The following DNAH14 variants were observed in gnomAD, a reference collection of about 807,000 sequenced individuals.
The protein encoded by DNAH14 is dynein axonemal heavy chain 14.
Under a neutral mutation model 520.9 loss-of-function variants are expected in DNAH14, and 478 were observed. The ratio of observed to expected loss-of-function variants is 0.92; its 90% CI spans 0.85 to 0.99. The LOEUF (loss-of-function observed/expected upper bound fraction) is 0.99. Ranked by LOEUF, DNAH14 falls within the 50% of genes least tolerant of loss-of-function variation. The probability of loss-of-function intolerance (pLI) is 0.00; values close to 1 mark genes in which losing one functional copy is unlikely to be tolerated. For synonymous variants in DNAH14, 1,581 were observed against 1,757.2 expected (o/e 0.90, Z 2.51); for missense variants, 4,831 against 5,234.5 (o/e 0.92, Z 2.38).
In DNAH14 at chr1:225,322,806, G is replaced by A; in HGVS notation, c.9478G>A (p.Asp3160Asn). 6.4e-7 allele frequency: 1 copy of A among 1,551,042 alleles called. No homozygotes were observed. The highest frequency in any genetic ancestry group is 8.7e-7 in the Non-Finnish European group (1 of 1,146,296). Residue 3160 changes from aspartate to asparagine, a missense_variant, in exon 62 of 86, where the codon GAC (aspartate) becomes AAC (asparagine). By Grantham distance (23) the Asp-to-Asn change is conservative. Coordinates refer to ENST00000682510, the MANE Select transcript of DNAH14 (RefSeq NM_001367479.1). ...FLKKLINLDK[D>N]SIPDKVFVKL... Reference sequence around the variant, plus strand: ...GAAAAAATTGATTAACCTTGACAAGGACAGCATACCTGATAAGGTAAAAAG... The same window carrying A: ...GAAAAAATTGATTAACCTTGACAAGAACAGCATACCTGATAAGGTAAAAAG...
intron 35 of DNAH14, among the ~76,000 whole-genome samples, chr1:225,161,376 TTTTG>T (rs1254991821): frequency 6.6e-6 from 1 of 152,200 alleles, no homozygotes; most frequent in Non-Finnish European, 1.5e-5. Flanking sequence ...TGAATAGTGT[TTTTG>T]TGTGTAAGTA....
At chr1:225,012,479 G>C (rs184866005) in intron 10 of DNAH14, among the ~76,000 whole-genome samples, 2 of 152,020 alleles carry the variant, frequency 1.3e-5, no homozygotes, top group Non-Finnish European at 2.9e-5. Context: ...TGTATTTCCT[G>C]AATTTGAATA....
chr1:225,079,635 C>A, intron 18 of DNAH14, 87 bp downstream of exon 18: 27 of 902,374 alleles, frequency 3.0e-5, no homozygotes, highest in Middle Eastern at 3.4e-4. Context: ...TATTTGCTTT[C>A]AGTGGAATTT....
chr1:225,005,701 A>G lies in DNAH14; in HGVS notation c.976-1712A>G, dbSNP rs1259605813. Among the ~76,000 whole-genome samples the G allele has an allele frequency of 3.3e-5, 5 of 152,114 alleles. No homozygotes were observed. The East Asian group carries it at 9.6e-4, about 29-fold the overall frequency. ...ATTTATTAATTTTTATAATATAACT[A>G]TATGATAAAAGATAAACATATCTGT... is the stretch of plus-strand genomic sequence containing the variant. On this transcript the variant is annotated intron_variant, in intron 9 of 85. Coordinates refer to ENST00000682510, the MANE Select transcript of DNAH14 (RefSeq NM_001367479.1).
At chr1:225,326,012 T>C (rs1281845191) in intron 64 of DNAH14, among the ~76,000 whole-genome samples, 1 of 152,248 alleles carries the variant, frequency 6.6e-6, no homozygotes, top group Non-Finnish European at 1.5e-5. Context: ...TTACTTTATA[T>C]AGATATATCA....
intron 8 of DNAH14, among the ~76,000 whole-genome samples, chr1:224,979,372 C>T (rs1433047132): frequency 6.6e-6 from 1 of 152,098 alleles, no homozygotes; most frequent in Admixed American, 6.5e-5. Flanking sequence ...CTCAGTGCTG[C>T]CCTGTCACAG....
chr1:225,205,881 A>G, intron 39 of DNAH14, 90 bp from the exon 40 acceptor site: 2 of 1,090,654 alleles, frequency 1.8e-6, no homozygotes, highest in East Asian at 2.6e-5. Flanking sequence ...CTTAGAAAAT[A>G]TGTCCTAAGT....
intron 55 of DNAH14, among the ~76,000 whole-genome samples, chr1:225,296,582 G>C (rs2094014257): frequency 6.6e-6 from 1 of 150,802 alleles, no homozygotes; most frequent in Admixed American, 6.6e-5. Context: ...CTACCAGTGA[G>C]TGTTATAGTT....
intron 8 of DNAH14, among the ~76,000 whole-genome samples, 171 bp downstream of exon 8, chr1:224,974,324 G>C (rs2061673638): frequency 6.6e-6 from 1 of 152,106 alleles, no homozygotes; most frequent in South Asian, 2.1e-4. Flanking sequence ...TAAACACTGT[G>C]TTTTGCAGTG....
intron 36 of DNAH14, among the ~76,000 whole-genome samples, chr1:225,168,592 G>A (rs148570915): frequency 0.021 from 3,248 of 152,292 alleles, 91 homozygotes; most frequent in African/African-American, 0.062. Flanking sequence ...AGGTGGCAGC[G>A]AGGCTGGAGG....
At chr1:225,252,456 A>C (rs1485642525) in intron 44 of DNAH14, 39 bp downstream of exon 44, 27 of 1,112,288 alleles carry the variant, frequency 2.4e-5, no homozygotes, top group Non-Finnish European at 3.4e-5. Flanking sequence ...TAACGTTAGA[A>C]TATTGGGTAT....
At chr1:225,187,649 A>G (rs968449158) in intron 37 of DNAH14, among the ~76,000 whole-genome samples, 1 of 151,918 alleles carries the variant, frequency 6.6e-6, no homozygotes, top group Non-Finnish European at 1.5e-5. Flanking sequence ...CCTCACCAAC[A>G]TTTATTATTT....
At chr1:225,147,309 G>A in intron 31 of DNAH14, 60 bp downstream of exon 31, 1 of 1,374,006 alleles carries the variant, frequency 7.3e-7, no homozygotes, top group East Asian at 2.7e-5. Context: ...TTAATGTTTA[G>A]TTAATTATTG....
At chr1:225,152,983 C>A in intron 33 of DNAH14, 100 bp downstream of exon 33, 1 of 1,181,400 alleles carries the variant, frequency 8.5e-7, no homozygotes, top group Non-Finnish European at 1.2e-6. Context: ...TGGGACTGTA[C>A]CAAATAATGG....
intron 17 of DNAH14, among the ~76,000 whole-genome samples, chr1:225,067,780 C>T (rs2071075304): frequency 6.6e-6 from 1 of 151,778 alleles, no homozygotes; most frequent in African/African-American, 2.4e-5. Flanking sequence ...ATGTCCTTTA[C>T]CCACTTTTTT....
intron 73 of DNAH14, among the ~76,000 whole-genome samples, chr1:225,354,901 C>G (rs2095413096): frequency 6.6e-6 from 1 of 151,854 alleles, no homozygotes; most frequent in Non-Finnish European, 1.5e-5. Flanking sequence ...TAAAAATTCT[C>G]TCTATGTAGA....
intron 2 of DNAH14, chr1:224,954,626 C>T: frequency 6.1e-6 from 1 of 164,440 alleles, no homozygotes; most frequent in African/African-American, 2.4e-5. Context: ...TAAAGCCCTT[C>T]TAAGTTTAAA....
At chr1:225,126,077 G>A (rs144491918) in intron 27 of DNAH14, among the ~76,000 whole-genome samples, 7 of 152,134 alleles carry the variant, frequency 4.6e-5, no homozygotes, top group Non-Finnish European at 8.8e-5. Context: ...GGCATCATTT[G>A]TTGTCCTCCC....
chr1:225,303,052 A>C (rs376771224), intron 56 of DNAH14, 104 bp from the exon 57 acceptor site: 3 of 902,620 alleles, frequency 3.3e-6, no homozygotes, highest in African/African-American at 3.4e-5. Flanking sequence ...TGATCTACCC[A>C]CTAAGGAAAG....
Sources: allele counts gnomAD v4.1 joint callset (sites outside exome capture counted in the v4.1 genomes callset), GRCh38; gene constraint gnomAD v4.1.1; transcripts MANE v1.5; gene names NCBI Gene and HGNC (gene_info 2026-07-23, HGNC 2026-07-21).